MEN1: variants seen among roughly 807,000 people sequenced by gnomAD.
MEN1 encodes the protein menin 1, also known as menin.
A neutral mutation model predicts 58.0 loss-of-function variants in MEN1; 6 were observed. That is an observed-to-expected ratio of 0.10 (90% confidence interval 0.06 to 0.20). The LOEUF (loss-of-function observed/expected upper bound fraction) is 0.20, where lower values mean the gene tolerates loss of function less well. Ranked by LOEUF, MEN1 falls within the 10% of genes least tolerant of loss-of-function variation. MEN1 has a pLI of 1.00. For missense variants in MEN1, 492 were observed against 818.5 expected, an observed-to-expected ratio of 0.60 and a Z score of 4.87; for synonymous variants, 346 against 350.7, an observed-to-expected ratio of 0.99 and a Z score of 0.15.
At chr11:64,805,007 C>T in intron 9 of MEN1, 27 bp downstream of exon 9, 2 of 1,612,080 alleles carry the variant, frequency 1.2e-6, no homozygotes, top group Non-Finnish European at 1.7e-6. Context: ...CCTGTAGTGC[C>T]CAGACCTCTG....
rs2136098198 is a variant in MEN1, at chr11:64,804,982, T to A, written c.1350+52A>T. On this transcript the variant is annotated intron_variant, in intron 9 of 9. Coordinates refer to ENST00000450708, the MANE Select transcript of MEN1 (RefSeq NM_001370259.2). This position sits in a 1 kb window ranked among gnomAD's most constrained non-coding sequence, Gnocchi z 4.2. ...GGGCCAGAAAAGTCTGACAAGCCCG[T>A]GGCTGCTGTCACCACCTGTAGTGCC... 1 of 1,608,168 alleles carries A rather than the reference T, an allele frequency of 6.2e-7. No individual in the cohort carries two copies. The highest frequency in any genetic ancestry group is 2.2e-5 in the East Asian group (1 of 44,890).
Position 64,804,182 on chromosome 11 carries a change from G to T in MEN1, c.*152C>A. 1 of 977,930 alleles carries T rather than the reference G, an allele frequency of 1.0e-6. No individual in the cohort carries two copies. Among genetic ancestry groups the T allele is most frequent in the Non-Finnish European group, 1.6e-6 (1 of 626,796 alleles). 60.6% of individuals were successfully genotyped at this position (977,930 alleles called of 1,614,324 possible). ...GGTTCTGAGCTGGAGAAAATCGTGG[G>T]TTTGATACAGACTGTACTCGGGACC... On this transcript the variant is annotated 3_prime_UTR_variant, in exon 10 of 10. Transcript: ENST00000450708. This position sits in a 1 kb window ranked among gnomAD's most constrained non-coding sequence, Gnocchi z 4.2.
Position 64,810,127 on chromosome 11 carries a change from G to T in MEN1, c.-18C>A. On this transcript the variant is annotated 5_prime_UTR_variant, in exon 2 of 10. Transcript: ENST00000450708. ...AGCCCCATGGCGGCGGGCGGTGGGC[G>T]GCGGCCTGCAAGGCAAGCCGGGGGA... 1 of 1,527,940 alleles carries T rather than the reference G, an allele frequency of 6.5e-7. No individual in the cohort carries two copies. The highest frequency in any genetic ancestry group is 1.2e-5 in the South Asian group (1 of 83,992). The allele number at this position is 1,527,940 out of a possible 1,614,324, so 94.6% of individuals were successfully genotyped here.
chr11:64,807,048 G>A lies in MEN1; in HGVS notation c.875C>T (p.Thr292Ile), dbSNP rs780646691. The A allele has an allele frequency of 3.7e-6, 6 of 1,613,626 alleles. No individual in the cohort carries two copies. Among genetic ancestry groups the A allele is most frequent in the Non-Finnish European group, 5.1e-6 (6 of 1,180,028 alleles). The change falls in exon 6 of 10, where the codon ACC becomes ATC. Residue 292 changes from threonine to isoleucine, a missense_variant. Transcript: ENST00000450708. The surrounding 1 kb of genome is among the most constrained non-coding windows in gnomAD (Gnocchi z 4.9). ...GGTGAGTGGGTCTGGCCGGCCAGGGGTGGGCTCCAGCTCCTCTAGATCTGC... is the reference window on the plus strand; with the variant it reads ...GGTGAGTGGGTCTGGCCGGCCAGGGATGGGCTCCAGCTCCTCTAGATCTGC... ...NLADLEELEP[T>I]PGRPDPLTLY... is the part of the protein sequence containing the mutation.
intron 2 of MEN1, 120 bp from the exon 3 acceptor site, chr11:64,808,219 G>A: frequency 3.3e-6 from 3 of 917,062 alleles, no homozygotes; most frequent in Non-Finnish European, 3.4e-6. Context: ...CCCAACCTCA[G>A]ATTCTCCTGC....
At chr11:64,810,193 G>T (rs1942038391) in intron 1 of MEN1, 61 bp from the exon 2 acceptor site, 2 of 1,076,152 alleles carry the variant, frequency 1.9e-6, no homozygotes, top group African/African-American at 1.6e-5. Flanking sequence ...CTCCTCCCAG[G>T]GTCCGCTAAG....
Position 64,803,630 on chromosome 11 carries a change from G to C in MEN1, c.*704C>G. 1 of 234,692 alleles carries C rather than the reference G, an allele frequency of 4.3e-6. No homozygotes were observed. The highest frequency in any genetic ancestry group is 6.0e-5 in the East Asian group (1 of 16,574). 14.5% of individuals were successfully genotyped at this position (234,692 alleles called of 1,614,324 possible). On this transcript the variant is annotated 3_prime_UTR_variant, in exon 10 of 10. Coordinates refer to ENST00000450708, the MANE Select transcript of MEN1 (RefSeq NM_001370259.2). ...TCCTAACCCTCTGCAGATTTCCTCCGGGATGCTCCGAGATGGGCTGGACCT... is the reference window on the plus strand; with the variant it reads ...TCCTAACCCTCTGCAGATTTCCTCCCGGATGCTCCGAGATGGGCTGGACCT...
At position 64,804,596 on chromosome 11, in the gene MEN1, C is replaced by T. The variant is rs2136084431; in HGVS notation, c.1571G>A (p.Gly524Asp). The change falls in exon 10 of 10, where the codon GGC (glycine) becomes GAC (aspartate). Residue 524 changes from glycine to aspartate, a missense_variant. This residue lies in a region of MEN1 where 79 missense variants were observed against 82.5 expected (regional missense o/e 0.96). Coordinates refer to ENST00000450708, the MANE Select transcript of MEN1 (RefSeq NM_001370259.2). This position sits in a 1 kb window ranked among gnomAD's most constrained non-coding sequence, Gnocchi z 4.2. ...GCCACCTTCAGGGCCTCGGGCTGTG[C>T]CAGCGACAGTCCCAGGAGGCTTCCG... The part of the protein sequence containing the change: ...PPRKPPGTVA[G>D]TARGPEGGST... The T allele has an allele frequency of 6.2e-7, 1 of 1,611,456 alleles. No individual in the cohort carries two copies.
At position 64,807,352 on chromosome 11, in the gene MEN1, G is replaced by A; in HGVS notation, c.784-133C>T. 1 of 1,147,330 alleles carries A rather than the reference G, an allele frequency of 8.7e-7. No individual in the cohort carries two copies. The highest frequency in any genetic ancestry group is 2.5e-5 in the East Asian group (1 of 39,618). The allele number at this position is 1,147,330 out of a possible 1,614,324, so 71.1% of individuals were successfully genotyped here. On this transcript the variant is annotated intron_variant, in intron 4 of 9. Transcript: ENST00000450708. The surrounding 1 kb of genome is among the most constrained non-coding windows in gnomAD (Gnocchi z 4.9). ...TGGAAGGGCCAAAATTCTGGGACCA[G>A]CCCTTTAATGGAGTCAAAGCAATTT... is the stretch of plus-strand genomic sequence containing the variant.
Position 64,806,217 on chromosome 11 carries a change from T to C in MEN1, c.1049+15A>G, listed in dbSNP as rs529060408. On this transcript the variant is annotated intron_variant, in intron 7 of 9. Coordinates refer to ENST00000450708, the MANE Select transcript of MEN1 (RefSeq NM_001370259.2). The stretch of plus-strand genomic sequence containing the variant: ...AGAAAGGACAGGCTGCAGGCCCTAG[T>C]AGGGGGATCCTCACTCCTGGATGAC... 9.3e-6 allele frequency: 15 copies of C among 1,613,924 alleles called. No individual in the cohort carries two copies. The highest frequency in any genetic ancestry group is 1.1e-5 in the Non-Finnish European group (13 of 1,179,932).
chr11:64,807,002 T>C lies in MEN1; in HGVS notation c.912+9A>G. 1 of 1,612,110 alleles carries C rather than the reference T, an allele frequency of 6.2e-7. No homozygotes were observed. Among genetic ancestry groups the C allele is most frequent in the Non-Finnish European group, 8.5e-7 (1 of 1,179,638 alleles). On this transcript the variant is annotated intron_variant, in intron 6 of 9. Coordinates refer to ENST00000450708, the MANE Select transcript of MEN1 (RefSeq NM_001370259.2). This position sits in a 1 kb window ranked among gnomAD's most constrained non-coding sequence, Gnocchi z 4.9. ...GTCTCCCTTCTGCACCCTCCTTAGA[T>C]GCCCCCACCTTGTGGTAGAGGGTGA... is the stretch of plus-strand genomic sequence containing the variant.
At chr11:64,805,935 G>GAGGA in intron 7 of MEN1, 165 bp from the exon 8 acceptor site, 2 of 749,730 alleles carry the variant, frequency 2.7e-6, no homozygotes, top group Non-Finnish European at 4.6e-6. Context: ...AAGCAAGAAT[G>GAGGA]AGGAGGGGGG....
chr11:64,810,641 T>G (rs679946), upstream of MEN1: 9,400 of 153,742 alleles, frequency 0.061, 647 homozygotes, highest in African/African-American at 0.17. Context: ...CCTGCCCCGC[T>G]GAGCCTGGAA....
Position 64,805,218 on chromosome 11 carries a change from G to T in MEN1, c.1186-20C>A. Reference sequence around the variant, plus strand: ...GGTGCCCTGGACGAGGGGGAAGGGAGGGCACAGATCAGTCTCTTACTCACC... The same window carrying T: ...GGTGCCCTGGACGAGGGGGAAGGGATGGCACAGATCAGTCTCTTACTCACC... On this transcript the variant is annotated intron_variant, in intron 8 of 9. Coordinates refer to ENST00000450708, the MANE Select transcript of MEN1 (RefSeq NM_001370259.2). 6.2e-7 allele frequency: 1 copy of T among 1,611,952 alleles called. No individual in the cohort carries two copies. Among genetic ancestry groups the T allele is most frequent in the South Asian group, 1.1e-5 (1 of 90,906 alleles).
intron 2 of MEN1, 166 bp downstream of exon 2, chr11:64,809,499 T>C (rs1046425605): frequency 1.9e-5 from 16 of 847,146 alleles, no homozygotes; most frequent in African/African-American, 1.5e-4. Flanking sequence ...GTGTGTGACT[T>C]TGGCATATCA....
chr11:64,810,120 G>T lies in MEN1; in HGVS notation c.-11C>A. 3 of 1,543,398 alleles carry T rather than the reference G, an allele frequency of 1.9e-6. No individual in the cohort carries two copies. In the East Asian group the frequency reaches 7.1e-5, roughly 36 times the overall value. Reference sequence around the variant, plus strand: ...GGCCTTCAGCCCCATGGCGGCGGGCGGTGGGCGGCGGCCTGCAAGGCAAGC... The same window carrying T: ...GGCCTTCAGCCCCATGGCGGCGGGCTGTGGGCGGCGGCCTGCAAGGCAAGC... On this transcript the variant is annotated 5_prime_UTR_variant, in exon 2 of 10. Coordinates refer to ENST00000450708, the MANE Select transcript of MEN1 (RefSeq NM_001370259.2).
rs678743 is a variant in MEN1 at position 64,808,672 on chromosome 11, G to A, written c.446-573C>T. 6.1e-3 allele frequency among the ~76,000 whole-genome samples: 924 copies of A among 152,308 alleles called. 11 individuals are homozygous for A. The highest frequency in any genetic ancestry group is 0.021 in the African/African-American group (893 of 41,566). On this transcript the variant is annotated intron_variant, in intron 2 of 9. Coordinates refer to ENST00000450708, the MANE Select transcript of MEN1 (RefSeq NM_001370259.2). ...CTGTCTCAAACATTTTTGACCAGGT[G>A]CGGTGGCTCACGCCTGTAATCCCAG...
Position 64,807,320 on chromosome 11 carries a change from C to T in MEN1, c.784-101G>A, listed in dbSNP as rs1348888010. On this transcript the variant is annotated intron_variant, in intron 4 of 9. Transcript: ENST00000450708. This position sits in a 1 kb window ranked among gnomAD's most constrained non-coding sequence, Gnocchi z 4.9. Reference sequence around the variant, plus strand: ...GGGGTCAGAACCAACAGGGACCACCCACCATGTGGAAGGGCCAAAATTCTG... The same window carrying T: ...GGGGTCAGAACCAACAGGGACCACCTACCATGTGGAAGGGCCAAAATTCTG... 2 of 1,410,270 alleles carry T rather than the reference C, an allele frequency of 1.4e-6. No homozygotes were observed. Among genetic ancestry groups the T allele is most frequent in the Non-Finnish European group, 2.0e-6 (2 of 1,024,068 alleles). The allele number at this position is 1,410,270 out of a possible 1,614,324, so 87.4% of individuals were successfully genotyped here.
In MEN1 at chr11:64,804,236, G is replaced by A; in HGVS notation, c.*98C>T. 1 of 1,516,452 alleles carries A rather than the reference G, an allele frequency of 6.6e-7. No individual in the cohort carries two copies. Among genetic ancestry groups the A allele is most frequent in the Non-Finnish European group, 9.1e-7 (1 of 1,095,834 alleles). The allele number at this position is 1,516,452 out of a possible 1,614,324, so 93.9% of individuals were successfully genotyped here. On this transcript the variant is annotated 3_prime_UTR_variant, in exon 10 of 10. Transcript: ENST00000450708. This position sits in a 1 kb window ranked among gnomAD's most constrained non-coding sequence, Gnocchi z 4.2. ...AACCTAGGGTTTGGGTAGAGGTGAG[G>A]CCTGTCCCCTTTGGGCTGGGGGCAG...
Sources: gnomAD v4.1 joint callset for allele counts (sites outside exome capture counted in the v4.1 genomes callset) on GRCh38, gnomAD v4.1.1 for gene constraint, gnomAD v4.1.1 regional missense constraint, Gnocchi (gnomAD v3.1) non-coding constraint, MANE v1.5 for transcripts, NCBI Gene and HGNC (gene_info 2026-07-23, HGNC 2026-07-21) for gene names.